Variants in ADD3 observed in about 807,000 individuals in gnomAD.
ADD3 encodes the protein gamma-adducin.
A neutral mutation model predicts 80.2 loss-of-function variants in ADD3; 25 were observed. The observed-to-expected ratio is 0.31, with a 90% CI of 0.23 to 0.44. The LOEUF (loss-of-function observed/expected upper bound fraction) is 0.44. Ranked by LOEUF, ADD3 falls within the 20% of genes least tolerant of loss-of-function variation. ADD3 has a pLI of 1.00. For synonymous variants in ADD3, 284 were observed against 289.6 expected, an observed-to-expected ratio of 0.98 and a Z score of 0.20; for missense variants, 829 against 847.5, an observed-to-expected ratio of 0.98 and a Z score of 0.27.
At chr10:110,110,862 G>A (rs1236128555) in intron 2 of ADD3, among the ~76,000 whole-genome samples, 6 of 152,090 alleles carry the variant, frequency 3.9e-5, no homozygotes, top group Non-Finnish European at 4.4e-5. Context: ...GGGCATGGTT[G>A]TGCACACCTA....
At chr10:110,034,245 C>T (rs996513972) in intron 1 of ADD3, among the ~76,000 whole-genome samples, 1 of 151,864 alleles carries the variant, frequency 6.6e-6, no homozygotes, top group Admixed American at 6.6e-5. Context: ...GGATATAATG[C>T]TTTTGTTTTA....
At chr10:110,039,472 T>C (rs1395940244) in intron 1 of ADD3, among the ~76,000 whole-genome samples, 1 of 152,216 alleles carries the variant, frequency 6.6e-6, no homozygotes, top group Admixed American at 6.5e-5. Context: ...AGGAGGATTG[T>C]CTTTTGAAGT....
chr10:110,125,736 G>GC, intron 10 of ADD3, 90 bp from the exon 11 acceptor site: 8 of 910,864 alleles, frequency 8.8e-6, no homozygotes, highest in Non-Finnish European at 1.3e-5. Context: ...CATTGGCAAT[G>GC]CCCCTCTTGA....
intron 1 of ADD3, among the ~76,000 whole-genome samples, chr10:110,081,394 T>C (rs1195204779): frequency 2.0e-5 from 3 of 152,322 alleles, no homozygotes; most frequent in South Asian, 2.1e-4. Context: ...TCCTGTTCCT[T>C]GCGTTGTTGG....
intron 1 of ADD3, among the ~76,000 whole-genome samples, chr10:110,040,373 A>G (rs1479797240): frequency 3.9e-5 from 6 of 152,200 alleles, no homozygotes; most frequent in Non-Finnish European, 2.9e-5. Flanking sequence ...TACCTGAAAC[A>G]TGATTGAACA....
intron 1 of ADD3, among the ~76,000 whole-genome samples, chr10:110,026,303 C>T (rs542943661): frequency 3.4e-4 from 39 of 113,414 alleles, no homozygotes; most frequent in South Asian, 5.5e-4. Context: ...TTTTTTGAAA[C>T]GGAGTTTCAC....
chr10:110,118,822 C>T, intron 6 of ADD3, 86 bp downstream of exon 6: 3 of 1,332,098 alleles, frequency 2.3e-6, no homozygotes, highest in East Asian at 2.5e-5. Context: ...TTACTATCTG[C>T]TTTTCAAAAT....
At chr10:110,121,260 G>C (rs918662306) in intron 8 of ADD3, among the ~76,000 whole-genome samples, 1 of 152,026 alleles carries the variant, frequency 6.6e-6, no homozygotes, top group African/African-American at 2.4e-5. Flanking sequence ...GAGCTGGGTA[G>C]ATCACCTGAG....
At chr10:110,099,099 T>A (rs538240634) in intron 1 of ADD3, among the ~76,000 whole-genome samples, 29 of 144,438 alleles carry the variant, frequency 2.0e-4, no homozygotes, top group Non-Finnish European at 3.3e-4. Context: ...TTTTTTTTTT[T>A]AATTTATTTT....
chr10:110,059,396 C>T (rs967022674), intron 1 of ADD3, among the ~76,000 whole-genome samples: 10 of 151,986 alleles, frequency 6.6e-5, no homozygotes, highest in Non-Finnish European at 1.5e-4. Flanking sequence ...TGCTTGAACC[C>T]GGGAGGCAGA....
At chr10:110,100,174 C>A (rs949771525) in intron 1 of ADD3, among the ~76,000 whole-genome samples, 2 of 152,006 alleles carry the variant, frequency 1.3e-5, no homozygotes, top group Non-Finnish European at 2.9e-5. Context: ...TGGTGAAACC[C>A]CATCTCTACT....
chr10:110,068,046 G>T (rs763963555), intron 1 of ADD3, among the ~76,000 whole-genome samples: 8 of 151,760 alleles, frequency 5.3e-5, no homozygotes, highest in South Asian at 2.1e-4. Context: ...AACCAAAATT[G>T]TTCACTTGCT....
intron 1 of ADD3, among the ~76,000 whole-genome samples, chr10:110,053,743 C>G (rs979906976): frequency 4.6e-5 from 7 of 152,010 alleles, no homozygotes; most frequent in African/African-American, 1.7e-4. Context: ...GTAAAATTCC[C>G]CTAGAACAGA....
chr10:110,010,860 A>G (rs1424175841), intron 1 of ADD3, among the ~76,000 whole-genome samples: 1 of 152,204 alleles, frequency 6.6e-6, no homozygotes, highest in Non-Finnish European at 1.5e-5. Flanking sequence ...AGGTCTTCAT[A>G]GTATTCCCAC....
chr10:110,063,737 T>TATATATATATATATATATATA (rs1554926923), intron 1 of ADD3, among the ~76,000 whole-genome samples: 1 of 64,658 alleles, frequency 1.5e-5, no homozygotes, highest in African/African-American at 6.1e-5. Context: ...TATATATTCA[T>TATATATATATATATATATATA]TATATATATA....
chr10:110,043,206 A>T (rs909100473), intron 1 of ADD3, among the ~76,000 whole-genome samples: 1 of 152,234 alleles, frequency 6.6e-6, no homozygotes, highest in Non-Finnish European at 1.5e-5. Context: ...CTTGGCCTTT[A>T]CAGGTGGACT....
chr10:110,127,477 C>T (rs976429199), intron 12 of ADD3, among the ~76,000 whole-genome samples: 8 of 152,120 alleles, frequency 5.3e-5, no homozygotes, highest in African/African-American at 1.2e-4. Flanking sequence ...ATTAGCTGTG[C>T]GTGGTGGCGT....
chr10:110,084,370 ATAAAAGT>A (rs1392011246), intron 1 of ADD3, among the ~76,000 whole-genome samples: 1 of 152,216 alleles, frequency 6.6e-6, no homozygotes, highest in African/African-American at 2.4e-5. Context: ...CTTTTTAGAG[ATAAAAGT>A]TAACAGTTTA....
intron 1 of ADD3, among the ~76,000 whole-genome samples, chr10:110,068,425 T>C (rs952454074): frequency 3.3e-5 from 5 of 152,218 alleles, no homozygotes; most frequent in Admixed American, 3.3e-4. Flanking sequence ...TTACATAGCA[T>C]TTACATTGTA....
Sources: gnomAD v4.1 joint callset for allele counts (sites outside exome capture counted in the v4.1 genomes callset) on GRCh38, gnomAD v4.1.1 for gene constraint, MANE v1.5 for transcripts, NCBI Gene and HGNC (gene_info 2026-07-23, HGNC 2026-07-21) for gene names.